MIOS: variants seen among roughly 807,000 people sequenced by gnomAD.
MIOS encodes the protein meiosis regulator for oocyte development, also known as GATOR2 complex protein MIOS.
Under a neutral mutation model 96.9 loss-of-function variants are expected in MIOS, and 52 were observed. That is an observed-to-expected ratio of 0.54 (90% CI 0.43 to 0.68). MIOS has a LOEUF of 0.68. Ranked by LOEUF, MIOS falls within the 30% of genes least tolerant of loss-of-function variation. The probability of loss-of-function intolerance (pLI) is 0.00; values close to 1 mark genes in which losing one functional copy is unlikely to be tolerated. For missense variants in MIOS, 1,005 were observed against 1,052.8 expected (o/e 0.95, Z 0.63); for synonymous variants, 397 against 359.5 (o/e 1.10, Z -1.18).
In MIOS at chr7:7,579,189, A is replaced by G. The variant is rs1057294053; in HGVS notation, c.1394-3929A>G. On this transcript the variant is annotated intron_variant, in intron 5 of 12. Coordinates refer to ENST00000340080, the MANE Select transcript of MIOS (RefSeq NM_019005.4). Reference sequence around the variant, plus strand: ...GTTTTCAGAGATATATTAAAAATTTATATGTAAAACTCATAAGTTAAAACC... The same window carrying G: ...GTTTTCAGAGATATATTAAAAATTTGTATGTAAAACTCATAAGTTAAAACC... 2.6e-5 allele frequency among the ~76,000 whole-genome samples: 4 copies of G among 152,240 alleles called. No individual in the cohort carries two copies. In the East Asian group the frequency reaches 7.7e-4, roughly 29 times the overall value.
In MIOS at chr7:7,589,680, T is replaced by G. The variant is rs1783993528; in HGVS notation, c.2043+117T>G. ...TAGGATCTTTAGAAGGCATTTAGTT[T>G]TAACCTAATCAGTTGATCTACTGAA... On this transcript the variant is annotated intron_variant, in intron 9 of 12. Coordinates refer to ENST00000340080, the MANE Select transcript of MIOS (RefSeq NM_019005.4). 7 of 1,125,158 alleles carry G rather than the reference T, an allele frequency of 6.2e-6. No individual in the cohort carries two copies. The East Asian group carries it at 1.5e-4, about 24-fold the overall frequency. 69.7% of individuals were successfully genotyped at this position (1,125,158 alleles called of 1,614,324 possible). A position where few individuals can be genotyped will look rare whatever the true frequency, so the allele number is the denominator to read the frequency against.
At chr7:7,585,943 G>T in intron 7 of MIOS, 138 bp downstream of exon 7, 2 of 752,024 alleles carry the variant, frequency 2.7e-6, no homozygotes, top group East Asian at 3.3e-5. Context: ...GGCATCTTGG[G>T]CTTTTTTTTT....
intron 11 of MIOS, among the ~76,000 whole-genome samples, chr7:7,597,616 T>C (rs1275595862): frequency 6.7e-6 from 1 of 150,340 alleles, no homozygotes; most frequent in Admixed American, 6.6e-5. Flanking sequence ...CACTCTTTTA[T>C]GTTACTCTGG....
chr7:7,603,776 A>G (rs534951390), intron 11 of MIOS, among the ~76,000 whole-genome samples: 31 of 152,222 alleles, frequency 2.0e-4, no homozygotes, highest in East Asian at 5.8e-4. Flanking sequence ...TGTTTATTGC[A>G]GCACTATTCA....
intron 7 of MIOS, among the ~76,000 whole-genome samples, chr7:7,588,013 A>T (rs1269124599): frequency 6.6e-6 from 1 of 152,154 alleles, no homozygotes; most frequent in Non-Finnish European, 1.5e-5. Context: ...TTTATGTTTT[A>T]AAACTTGTCA....
chr7:7,580,952 G>C (rs1027595332), intron 5 of MIOS, among the ~76,000 whole-genome samples: 5 of 149,938 alleles, frequency 3.3e-5, no homozygotes, highest in African/African-American at 1.2e-4. Flanking sequence ...CTCCCAAAGT[G>C]CTGGGATTAC....
chr7:7,585,895 A>T (rs912238398), intron 7 of MIOS, 90 bp downstream of exon 7: 5 of 1,189,488 alleles, frequency 4.2e-6, no homozygotes, highest in Non-Finnish European at 5.7e-6. Context: ...TCTGTTGCAT[A>T]AAATATTATA....
chr7:7,587,027 T>G (rs928220729), intron 7 of MIOS, among the ~76,000 whole-genome samples: 15 of 151,118 alleles, frequency 9.9e-5, no homozygotes, highest in African/African-American at 3.7e-4. Flanking sequence ...TGTTGTTGTT[T>G]TTGAGACAGT....
intron 9 of MIOS, among the ~76,000 whole-genome samples, chr7:7,593,901 A>AAAAAAAAAAAAAAAC (rs376486803): frequency 6.9e-6 from 1 of 145,040 alleles, no homozygotes; most frequent in Non-Finnish European, 1.5e-5. Flanking sequence ...AAAAAGAAAA[A>AAAAAAAAAAAAAAAC]GAAAAGAAAA....
At chr7:7,588,453 C>G (rs749518087) in intron 7 of MIOS, 45 bp from the exon 8 acceptor site, 10 of 1,281,306 alleles carry the variant, frequency 7.8e-6, no homozygotes, top group Non-Finnish European at 1.1e-5. Flanking sequence ...AAATTTAAAA[C>G]CAGTGCGCCT....
At chr7:7,597,864 C>G (rs1253347814) in intron 11 of MIOS, among the ~76,000 whole-genome samples, 1 of 152,048 alleles carries the variant, frequency 6.6e-6, no homozygotes, top group Non-Finnish European at 1.5e-5. Context: ...AGGGTTTCAC[C>G]CTGTTGCCCT....
At chr7:7,567,812 TA>T in intron 2 of MIOS, 124 bp downstream of exon 2, 2 of 152,366 alleles carry the variant, frequency 1.3e-5, no homozygotes, top group Middle Eastern at 6.8e-3. Flanking sequence ...GCTATAAGTG[TA>T]AAATACACAT....
At chr7:7,570,264 T>C (rs997757125) in intron 3 of MIOS, among the ~76,000 whole-genome samples, 1 of 152,140 alleles carries the variant, frequency 6.6e-6, no homozygotes, top group Non-Finnish European at 1.5e-5. Flanking sequence ...AATAATTGGG[T>C]TGATCTAGGA....
intron 10 of MIOS, among the ~76,000 whole-genome samples, chr7:7,595,460 G>A (rs1260992751): frequency 2.0e-5 from 3 of 152,138 alleles, no homozygotes; most frequent in Non-Finnish European, 4.4e-5. Flanking sequence ...TTTATGTGCA[G>A]TAAGGCAGGA....
chr7:7,579,813 G>A (rs1783653456), intron 5 of MIOS, among the ~76,000 whole-genome samples: 1 of 152,148 alleles, frequency 6.6e-6, no homozygotes, highest in Non-Finnish European at 1.5e-5. Flanking sequence ...TGTGTAGTGG[G>A]CTATGCCATC....
chr7:7,591,452 G>T (rs1386225733), intron 9 of MIOS, among the ~76,000 whole-genome samples: 1 of 151,624 alleles, frequency 6.6e-6, no homozygotes, highest in Non-Finnish European at 1.5e-5. Flanking sequence ...CTAATTTTTT[G>T]TATTTTTGAC....
At chr7:7,596,482 A>G in intron 11 of MIOS, 21 bp downstream of exon 11, 1 of 1,591,208 alleles carries the variant, frequency 6.3e-7, no homozygotes, top group South Asian at 1.1e-5. Flanking sequence ...ATTTTACAAA[A>G]TACTTTTATG....
chr7:7,576,681 G>A (rs373478245), intron 5 of MIOS, among the ~76,000 whole-genome samples: 3 of 152,094 alleles, frequency 2.0e-5, no homozygotes, highest in Non-Finnish European at 4.4e-5. Flanking sequence ...CTTGTAAGAC[G>A]GGGAAACAGA....
Position 7,573,853 on chromosome 7 carries a change from C to A in MIOS, c.1294+84C>A. 1.6e-6 allele frequency: 2 copies of A among 1,254,028 alleles called. No homozygotes were observed. Among genetic ancestry groups the A allele is most frequent in the Non-Finnish European group, 2.2e-6 (2 of 903,320 alleles). The allele number at this position is 1,254,028 out of a possible 1,614,324, so 77.7% of individuals were successfully genotyped here. On this transcript the variant is annotated intron_variant, in intron 4 of 12. Coordinates refer to ENST00000340080, the MANE Select transcript of MIOS (RefSeq NM_019005.4). The surrounding 1 kb of genome is among the most constrained non-coding windows in gnomAD (Gnocchi z 5.0). ...GCCAAAAGGTCAGTCTGTAAATATG[C>A]TCAATGTTTTATATACAAATACAAG...
Sources: gnomAD v4.1 joint callset for allele counts (sites outside exome capture counted in the v4.1 genomes callset) on GRCh38, gnomAD v4.1.1 for gene constraint, Gnocchi (gnomAD v3.1) non-coding constraint, MANE v1.5 for transcripts, NCBI Gene and HGNC (gene_info 2026-07-23, HGNC 2026-07-21) for gene names.